Variants in CHRM3 observed in about 807,000 individuals in gnomAD.
The protein encoded by CHRM3 is muscarinic acetylcholine receptor M3.
Under a neutral mutation model 41.8 loss-of-function variants are expected in CHRM3, and 11 were observed. That is an observed-to-expected ratio of 0.26 (90% CI 0.17 to 0.44). CHRM3 has a LOEUF of 0.44. Ranked by LOEUF, CHRM3 falls within the 20% of genes least tolerant of loss-of-function variation. CHRM3 has a pLI of 1.00. For synonymous variants in CHRM3, 297 were observed against 301.4 expected, an observed-to-expected ratio of 0.99 and a Z score of 0.15; for missense variants, 571 against 745.4, an observed-to-expected ratio of 0.77 and a Z score of 2.72.
rs190665184 is a variant in CHRM3 at position 239,387,662 on chromosome 1, G to T, written c.-521+435G>T. ...CTGGGCTCCGGGTGTGTTTGTGAGC[G>T]CACTCGTGTGTTGAGCGTTTGTCTC... On this transcript the variant is annotated intron_variant, in intron 1 of 6. Transcript: ENST00000676153. This position sits in a 1 kb window ranked among gnomAD's most constrained non-coding sequence, Gnocchi z 5.1. Among the ~76,000 whole-genome samples, 9 of 152,246 alleles carry T rather than the reference G, an allele frequency of 5.9e-5. No individual in the cohort carries two copies. The highest frequency in any genetic ancestry group is 2.2e-4 in the African/African-American group (9 of 41,564).
chr1:239,573,362 C>T (rs904364573), intron 3 of CHRM3, among the ~76,000 whole-genome samples: 8 of 152,116 alleles, frequency 5.3e-5, no homozygotes, highest in East Asian at 1.9e-4. Flanking sequence ...AAAAGTTTAT[C>T]GGTAGAAAGT....
rs1057443391 is a variant in CHRM3 at position 239,874,402 on chromosome 1, G to A, written c.-19-33031G>A. On this transcript the variant is annotated intron_variant, in intron 6 of 6. Transcript: ENST00000676153. ...ATATGCAGATTTTTTTCAGCCAAAC[G>A]CAAATGGAAAATCCAGTATTTGAGG... Among the ~76,000 whole-genome samples the A allele has an allele frequency of 2.1e-5, 3 of 144,392 alleles. No individual in the cohort carries two copies. In the South Asian group the frequency reaches 6.6e-4, roughly 32 times the overall value. The allele number at this position is 144,392 out of a possible 152,430, so 94.7% of individuals were successfully genotyped here.
At chr1:239,505,162 G>A (rs1668483988) in intron 2 of CHRM3, among the ~76,000 whole-genome samples, 2 of 151,996 alleles carry the variant, frequency 1.3e-5, no homozygotes, top group Non-Finnish European at 2.9e-5. Flanking sequence ...TTAAAATTAG[G>A]GCTCATATAA....
In CHRM3 at chr1:239,851,990, T is replaced by C. The variant is rs1340338691; in HGVS notation, c.-20+24612T>C. Among the ~76,000 whole-genome samples, 3 of 152,218 alleles carry C rather than the reference T, an allele frequency of 2.0e-5. No individual in the cohort carries two copies. In the East Asian group the frequency reaches 5.8e-4, roughly 30 times the overall value. Reference sequence around the variant, plus strand: ...CAGTCTGTTATTTTAACAAAATTCCTGGGTGATTTGTGGGCATCGTGATGT... The same window carrying C: ...CAGTCTGTTATTTTAACAAAATTCCCGGGTGATTTGTGGGCATCGTGATGT... On this transcript the variant is annotated intron_variant, in intron 6 of 6. Coordinates refer to ENST00000676153, the MANE Select transcript of CHRM3 (RefSeq NM_001375978.1).
chr1:239,821,970 C>T (rs1321750243), intron 5 of CHRM3, among the ~76,000 whole-genome samples: 2 of 152,150 alleles, frequency 1.3e-5, no homozygotes, highest in Non-Finnish European at 2.9e-5. Flanking sequence ...TCCTGCCACC[C>T]TGTGAGGAAG....
At chr1:239,877,470 C>T (rs1012775964) in intron 6 of CHRM3, among the ~76,000 whole-genome samples, 5 of 152,104 alleles carry the variant, frequency 3.3e-5, no homozygotes, top group African/African-American at 4.8e-5. Context: ...CTTTCAACTA[C>T]GTGGTGAATA....
At chr1:239,704,478 G>C (rs1251856597) in intron 5 of CHRM3, 2 of 152,132 alleles carry the variant, frequency 1.3e-5, no homozygotes, top group Non-Finnish European at 2.9e-5. Context: ...ACATCAAGAA[G>C]AGAATATATG....
intron 5 of CHRM3, among the ~76,000 whole-genome samples, chr1:239,691,331 A>G (rs1426427978): frequency 6.6e-6 from 1 of 152,190 alleles, no homozygotes; most frequent in Admixed American, 6.5e-5. Context: ...TAATTTTTAC[A>G]AATATTATGG....
chr1:239,760,277 T>C (rs112737255), intron 5 of CHRM3, among the ~76,000 whole-genome samples: 100 of 152,242 alleles, frequency 6.6e-4, no homozygotes, highest in Non-Finnish European at 7.1e-4. Flanking sequence ...AGAATTTGTC[T>C]CCGCAGTGGG....
intron 3 of CHRM3, among the ~76,000 whole-genome samples, chr1:239,623,314 C>CA (rs1233505413): frequency 6.8e-6 from 1 of 147,374 alleles, no homozygotes; most frequent in Non-Finnish European, 1.5e-5. Context: ...TTCCTGTGTC[C>CA]AAGTGTTCTC....
intron 5 of CHRM3, among the ~76,000 whole-genome samples, chr1:239,777,023 G>A (rs1434606270): frequency 2.0e-5 from 3 of 152,110 alleles, no homozygotes; most frequent in Non-Finnish European, 2.9e-5. Context: ...GATTTGGGTG[G>A]GGACACAGGC....
At chr1:239,785,646 A>G (rs1396320987) in intron 5 of CHRM3, among the ~76,000 whole-genome samples, 2 of 151,902 alleles carry the variant, frequency 1.3e-5, no homozygotes, top group East Asian at 1.9e-4. Flanking sequence ...TATTATTTCT[A>G]TCAGTGCTTT....
At chr1:239,582,166 AATT>A (rs1662962176) in intron 3 of CHRM3, among the ~76,000 whole-genome samples, 1 of 152,150 alleles carries the variant, frequency 6.6e-6, no homozygotes, top group Non-Finnish European at 1.5e-5. Context: ...GGGTAATACA[AATT>A]ATGGCCACCT....
At chr1:239,810,002 C>T (rs72758778) in intron 5 of CHRM3, among the ~76,000 whole-genome samples, 4,962 of 152,172 alleles carry the variant, frequency 0.033, 114 homozygotes, top group Non-Finnish European at 0.051. Context: ...TATCTTGAGA[C>T]GGGTAAGATT....
chr1:239,742,203 T>C (rs1160700759), intron 5 of CHRM3, among the ~76,000 whole-genome samples: 1 of 152,178 alleles, frequency 6.6e-6, no homozygotes, highest in Non-Finnish European at 1.5e-5. Context: ...ATTGACTACA[T>C]AAATTATTTG....
chr1:239,830,485 C>G (rs971180509), intron 6 of CHRM3, among the ~76,000 whole-genome samples: 1 of 152,108 alleles, frequency 6.6e-6, no homozygotes, highest in African/African-American at 2.4e-5. Flanking sequence ...GGGCGGATCA[C>G]GAGCTCAGGA....
chr1:239,844,421 A>G (rs1208625997), intron 6 of CHRM3, among the ~76,000 whole-genome samples: 1 of 152,216 alleles, frequency 6.6e-6, no homozygotes, highest in Non-Finnish European at 1.5e-5. Context: ...TACAGTATCT[A>G]GAATAAAGGA....
At chr1:239,794,085 A>G (rs1669565476) in intron 5 of CHRM3, among the ~76,000 whole-genome samples, 1 of 152,144 alleles carries the variant, frequency 6.6e-6, no homozygotes. Flanking sequence ...GATTACAGGT[A>G]TAAGCCATGG....
rs1182303323 is a variant in CHRM3, at chr1:239,423,328, A to G, written c.-521+36101A>G. Among the ~76,000 whole-genome samples the G allele has an allele frequency of 2.0e-5, 3 of 152,354 alleles. No individual in the cohort carries two copies. In the East Asian group the frequency reaches 5.8e-4, roughly 29 times the overall value. On this transcript the variant is annotated intron_variant, in intron 1 of 6. Coordinates refer to ENST00000676153, the MANE Select transcript of CHRM3 (RefSeq NM_001375978.1). Reference sequence around the variant, plus strand: ...TAAGAAGTGAAACTTTTTGTGATGCATGATAACTTATTTGTGGAACTCTTG... The same window carrying G: ...TAAGAAGTGAAACTTTTTGTGATGCGTGATAACTTATTTGTGGAACTCTTG...
Sources: gnomAD v4.1 joint callset for allele counts (sites outside exome capture counted in the v4.1 genomes callset) on GRCh38, gnomAD v4.1.1 for gene constraint, Gnocchi (gnomAD v3.1) non-coding constraint, MANE v1.5 for transcripts, NCBI Gene and HGNC (gene_info 2026-07-23, HGNC 2026-07-21) for gene names.